The following SDC2 variants were observed in gnomAD, a reference collection of about 807,000 sequenced individuals.
SDC2 encodes syndecan-2.
SDC2 carries 13 observed loss-of-function variants against 22.2 expected under a neutral mutation model. The ratio of observed to expected loss-of-function variants is 0.59; its 90% CI spans 0.38 to 0.93. The LOEUF (loss-of-function observed/expected upper bound fraction) is 0.93. SDC2 is among the 40% of genes least tolerant of loss of function. The pLI, the probability that SDC2 is intolerant of heterozygous loss-of-function variation, is 0.00. For synonymous variants in SDC2, 94 were observed against 92.8 expected (o/e 1.01, Z -0.07); for missense variants, 235 against 246.8 (o/e 0.95, Z 0.32).
chr8:96,588,491 T>C (rs1186816020), intron 1 of SDC2, among the ~76,000 whole-genome samples: 1 of 152,232 alleles, frequency 6.6e-6, no homozygotes, highest in Non-Finnish European at 1.5e-5. Flanking sequence ...TTTTGGCACT[T>C]TGTAATCATC....
chr8:96,563,424 A>G (rs1237285006), intron 1 of SDC2, among the ~76,000 whole-genome samples: 1 of 152,194 alleles, frequency 6.6e-6, no homozygotes, highest in Non-Finnish European at 1.5e-5. Flanking sequence ...AACTAAGCTG[A>G]GTGCTCTCCC....
intron 1 of SDC2, among the ~76,000 whole-genome samples, chr8:96,495,064 C>A (rs991675728): frequency 2.0e-5 from 3 of 152,150 alleles, no homozygotes; most frequent in African/African-American, 7.2e-5. Flanking sequence ...GAGGTTGCAC[C>A]GCGGGGCGTC....
intron 3 of SDC2, among the ~76,000 whole-genome samples, chr8:96,607,769 G>T (rs576680586): frequency 1.3e-5 from 2 of 152,142 alleles, no homozygotes; most frequent in South Asian, 4.1e-4. Context: ...AGCTACTTGC[G>T]CAATCCAAGT....
chr8:96,513,785 C>T (rs553732792), intron 1 of SDC2, among the ~76,000 whole-genome samples: 2 of 152,200 alleles, frequency 1.3e-5, no homozygotes, highest in Non-Finnish European at 2.9e-5. Flanking sequence ...AAAAGGAAAG[C>T]CTTTCTAAGA....
At chr8:96,537,087 C>T (rs2130501557) in intron 1 of SDC2, among the ~76,000 whole-genome samples, 1 of 152,210 alleles carries the variant, frequency 6.6e-6, no homozygotes, top group East Asian at 1.9e-4. Flanking sequence ...AATATTGGTG[C>T]ATTATCAGTA....
chr8:96,548,166 A>G (rs192492857), intron 1 of SDC2, among the ~76,000 whole-genome samples: 330 of 152,362 alleles, frequency 2.2e-3, no homozygotes, highest in Non-Finnish European at 3.4e-3. Flanking sequence ...AATATCTACT[A>G]TTTGCTAGGT....
At chr8:96,597,405 A>G (rs1814896270) in intron 2 of SDC2, among the ~76,000 whole-genome samples, 2 of 152,190 alleles carry the variant, frequency 1.3e-5, no homozygotes, top group Admixed American at 1.3e-4. Flanking sequence ...ATTTCAGTCG[A>G]GGGGATGTTG....
intron 1 of SDC2, among the ~76,000 whole-genome samples, chr8:96,591,772 C>T (rs1173442867): frequency 6.6e-6 from 1 of 151,826 alleles, no homozygotes; most frequent in Admixed American, 6.6e-5. Flanking sequence ...ACAAGCAGGA[C>T]GGAGAATGGC....
intron 1 of SDC2, among the ~76,000 whole-genome samples, chr8:96,524,340 G>T (rs968296145): frequency 2.0e-5 from 3 of 152,286 alleles, no homozygotes; most frequent in Admixed American, 2.0e-4. Flanking sequence ...TCGTTTGGGG[G>T]AGCTGCTGCT....
chr8:96,592,767 G>T (rs1379325773), intron 1 of SDC2, among the ~76,000 whole-genome samples: 1 of 152,232 alleles, frequency 6.6e-6, no homozygotes, highest in Non-Finnish European at 1.5e-5. Context: ...GAATGTGCTC[G>T]TGTGGGTTTA....
intron 1 of SDC2, among the ~76,000 whole-genome samples, chr8:96,556,057 T>TACACACACACACACACACACACAC (rs753567813): frequency 6.8e-6 from 1 of 147,642 alleles, no homozygotes; most frequent in African/African-American, 2.5e-5. Flanking sequence ...CACACACACA[T>TACACACACACACACACACACACAC]ACACACACAC....
At position 96,611,698 on chromosome 8, in the gene SDC2, C is replaced by A. The variant is rs1008290884; in HGVS notation, c.*2150C>A. On this transcript the variant is annotated 3_prime_UTR_variant, in exon 5 of 5. Transcript: ENST00000302190. ...GTGCCAGGAAAAGAAAAATTTCTGGCAAATATTTTGTCACTGCTGTAAAGC... is the reference window on the plus strand; with the variant it reads ...GTGCCAGGAAAAGAAAAATTTCTGGAAAATATTTTGTCACTGCTGTAAAGC... 2 of 152,560 alleles carry A rather than the reference C, an allele frequency of 1.3e-5. No homozygotes were observed. Among genetic ancestry groups the A allele is most frequent in the Non-Finnish European group, 2.9e-5 (2 of 68,034 alleles). 9.5% of individuals were successfully genotyped at this position (152,560 alleles called of 1,614,324 possible).
intron 1 of SDC2, among the ~76,000 whole-genome samples, chr8:96,560,566 G>A (rs1814192203): frequency 6.6e-6 from 1 of 152,092 alleles, no homozygotes; most frequent in South Asian, 2.1e-4. Context: ...TGTTTTTAAG[G>A]CGATGGTTTT....
Position 96,608,431 on chromosome 8 carries a change from C to T in SDC2, c.403C>T (p.His135Tyr). The change falls in exon 4 of 5, where the codon CAC (histidine) becomes TAC (tyrosine). Residue 135 changes from histidine (H) to tyrosine (Y), a missense_variant. Coordinates refer to ENST00000302190, the MANE Select transcript of SDC2 (RefSeq NM_002998.4). ...EEDTNVYTEK[H>Y]SDSLFKRTEV... is the part of the protein sequence containing the mutation. The stretch of plus-strand genomic sequence containing the variant: ...GGATACAAATGTGTATACTGAGAAA[C>T]ACTCAGACAGTCTGTTTAAACGGAC... 2 of 1,613,680 alleles carry T rather than the reference C, an allele frequency of 1.2e-6. No individual in the cohort carries two copies. Among genetic ancestry groups the T allele is most frequent in the Non-Finnish European group, 1.7e-6 (2 of 1,179,796 alleles).
chr8:96,494,675 G>T (rs550435940), intron 1 of SDC2, among the ~76,000 whole-genome samples: 4 of 152,166 alleles, frequency 2.6e-5, no homozygotes, highest in Non-Finnish European at 4.4e-5. Context: ...GTGGCAGGAG[G>T]GGGGAGCCTG....
intron 1 of SDC2, among the ~76,000 whole-genome samples, chr8:96,579,991 A>G (rs1259489666): frequency 6.6e-6 from 1 of 152,206 alleles, no homozygotes; most frequent in East Asian, 1.9e-4. Context: ...CTTTTTACAG[A>G]GCCCCCCCAG....
At chr8:96,497,194 G>A (rs1048331689) in intron 1 of SDC2, among the ~76,000 whole-genome samples, 5 of 151,866 alleles carry the variant, frequency 3.3e-5, no homozygotes, top group Admixed American at 2.0e-4. Context: ...TGAAAGGCAG[G>A]CTCTGGAAAG....
chr8:96,520,401 TCTTA>T (rs1389425843), intron 1 of SDC2, among the ~76,000 whole-genome samples: 5 of 152,226 alleles, frequency 3.3e-5, no homozygotes, highest in African/African-American at 4.8e-5. Flanking sequence ...CTTCACTCAC[TCTTA>T]CTGTTTCTTG....
At chr8:96,526,982 T>A (rs1396081795) in intron 1 of SDC2, among the ~76,000 whole-genome samples, 1 of 152,208 alleles carries the variant, frequency 6.6e-6, no homozygotes, top group Non-Finnish European at 1.5e-5. Flanking sequence ...GGGTGACTCT[T>A]GTTCCCAATA....
Sources: allele counts gnomAD v4.1 joint callset (sites outside exome capture counted in the v4.1 genomes callset), GRCh38; gene constraint gnomAD v4.1.1; transcripts MANE v1.5; gene names NCBI Gene and HGNC (gene_info 2026-07-23, HGNC 2026-07-21).